PTPRC: variants seen among roughly 807,000 people sequenced by gnomAD.
PTPRC encodes receptor-type tyrosine-protein phosphatase C.
In PTPRC, 44 loss-of-function variants were observed where a neutral mutation model predicts 155.9. That is an observed-to-expected ratio of 0.28 (90% CI 0.22 to 0.36). PTPRC has a LOEUF of 0.36. PTPRC is among the 10% of genes least tolerant of loss of function. The pLI is 1.00. For missense variants in PTPRC, 1,401 were observed against 1,564.6 expected, an observed-to-expected ratio of 0.90 and a Z score of 1.76; for synonymous variants, 525 against 533.1, an observed-to-expected ratio of 0.98 and a Z score of 0.21.
At chr1:198,754,559 T>C (rs1655540373) in intron 32 of PTPRC, 155 bp downstream of exon 32, 1 of 915,940 alleles carries the variant, frequency 1.1e-6, no homozygotes, top group East Asian at 2.6e-5. Context: ...CTTTTAGCTT[T>C]TCTACTTTTA....
In PTPRC at chr1:198,754,326, G is replaced by T. The variant is rs527663021; in HGVS notation, c.3567G>T (p.Ala1189=). The T allele has an allele frequency of 6.2e-7, 1 of 1,612,440 alleles. No homozygotes were observed. The highest frequency in any genetic ancestry group is 1.1e-5 in the South Asian group (1 of 91,056). The change falls in exon 32 of 33, where the codon GCG becomes GCT. Residue 1189 remains alanine, a synonymous_variant. Coordinates refer to ENST00000442510, the MANE Select transcript of PTPRC (RefSeq NM_002838.5). ...CTTTGTTAAATCTCTTAGAAAGTGC[G>T]GAAACAGAAGAGGTAGTGGATATTT... is the stretch of plus-strand genomic sequence containing the variant. ...FCALLNLLES[A]ETEEVVDIFQ...
At chr1:198,739,374 G>T (rs2102506410) in intron 23 of PTPRC, among the ~76,000 whole-genome samples, 1 of 151,810 alleles carries the variant, frequency 6.6e-6, no homozygotes, top group Admixed American at 6.6e-5. Flanking sequence ...CTTAAAATAA[G>T]AGATGGAAAA....
rs574020110 is a variant in PTPRC at position 198,752,776 on chromosome 1, C to T, written c.3509+4C>T. 123 of 1,611,452 alleles carry T rather than the reference C, an allele frequency of 7.6e-5. No homozygotes were observed. The Admixed American group carries it at 8.0e-4, about 11-fold the overall frequency. ...CACCTCTACTCATTCACTGCAGGTGCGTGGGATTTGGTAGAATGTGCTCTC... is the reference window on the plus strand; with the variant it reads ...CACCTCTACTCATTCACTGCAGGTGTGTGGGATTTGGTAGAATGTGCTCTC... On this transcript the variant is annotated splice_donor_region_variant and intron_variant, in intron 31 of 32. Transcript: ENST00000442510.
chr1:198,704,549 A>G (rs760690846), intron 8 of PTPRC, 51 bp downstream of exon 8: 1 of 1,613,736 alleles, frequency 6.2e-7, no homozygotes, highest in South Asian at 1.1e-5. Context: ...ATAGCACTTT[A>G]ATTACATCTT....
At position 198,756,706 on chromosome 1, in the gene PTPRC, T is replaced by TTTAC. The variant is rs1452270540; in HGVS notation, c.*528_*531dup. The stretch of plus-strand genomic sequence containing the variant: ...ATATCTATCTTATATAGTTTACTAT[T>TTTAC]TTACTTCTAGAGATAGTACATAAAG... On this transcript the variant is annotated 3_prime_UTR_variant, in exon 33 of 33. Transcript: ENST00000442510. 1 of 153,328 alleles carries TTTAC rather than the reference T, an allele frequency of 6.5e-6. No homozygotes were observed. The highest frequency in any genetic ancestry group is 2.4e-5 in the African/African-American group (1 of 41,432). 9.5% of individuals were successfully genotyped at this position (153,328 alleles called of 1,614,324 possible). A position where few individuals can be genotyped will look rare whatever the true frequency, so the allele number is the denominator to read the frequency against.
chr1:198,750,789 A>G (rs1358869757), intron 29 of PTPRC, among the ~76,000 whole-genome samples, 163 bp downstream of exon 29: 5 of 151,910 alleles, frequency 3.3e-5, no homozygotes, highest in African/African-American at 1.2e-4. Flanking sequence ...GTTGGCCTCC[A>G]TCAGCTGTGT....
chr1:198,699,903 T>C (rs916665335), intron 5 of PTPRC, 199 bp downstream of exon 5: 3 of 692,130 alleles, frequency 4.3e-6, no homozygotes, highest in Non-Finnish European at 7.3e-6. Flanking sequence ...ATAGTGAGAA[T>C]TGTGAGACTA....
chr1:198,714,532 C>G (rs1653475423), intron 12 of PTPRC, among the ~76,000 whole-genome samples: 1 of 152,168 alleles, frequency 6.6e-6, no homozygotes, highest in African/African-American at 2.4e-5. Context: ...GGCTAGCTAT[C>G]AGGCTGTGTG....
chr1:198,672,420 CT>C (rs894389273), intron 2 of PTPRC, among the ~76,000 whole-genome samples: 2 of 151,870 alleles, frequency 1.3e-5, no homozygotes, highest in South Asian at 2.1e-4. Context: ...GTTCGAGTTC[CT>C]TTTTTTTCTG....
intron 2 of PTPRC, among the ~76,000 whole-genome samples, chr1:198,670,238 T>C (rs1384282795): frequency 6.6e-6 from 1 of 152,124 alleles, no homozygotes; most frequent in African/African-American, 2.4e-5. Context: ...TTCCTTAGCA[T>C]TTTTAAAGAA....
At chr1:198,680,335 C>T (rs1045505054) in intron 2 of PTPRC, among the ~76,000 whole-genome samples, 1 of 152,022 alleles carries the variant, frequency 6.6e-6, no homozygotes, top group African/African-American at 2.4e-5. Context: ...TGTTTGTAAT[C>T]CCATATACTC....
At chr1:198,679,935 C>T in intron 2 of PTPRC, 1 of 614,286 alleles carries the variant, frequency 1.6e-6, no homozygotes, top group South Asian at 1.9e-5. Context: ...CTTTGCCCAG[C>T]TCGTCCACCG....
rs558743402 is a variant in PTPRC, at chr1:198,691,151, C to T, written c.74-1196C>T. Among the ~76,000 whole-genome samples, 21 of 152,172 alleles carry T rather than the reference C, an allele frequency of 1.4e-4. No homozygotes were observed. The South Asian group carries it at 3.7e-3, about 27-fold the overall frequency. ...CTGGACACTTCTCTTTTATGTAGTT[C>T]GGTGATCTCCTTCACCTCTGTAGCT... On this transcript the variant is annotated intron_variant, in intron 2 of 32. Transcript: ENST00000442510.
intron 2 of PTPRC, among the ~76,000 whole-genome samples, chr1:198,689,108 C>T (rs1290258233): frequency 6.6e-6 from 1 of 152,158 alleles, no homozygotes; most frequent in Non-Finnish European, 1.5e-5. Context: ...TAGAAACAGT[C>T]TTCTCCGTTT....
intron 2 of PTPRC, among the ~76,000 whole-genome samples, chr1:198,687,308 T>C (rs903569111): frequency 2.0e-5 from 3 of 152,166 alleles, no homozygotes; most frequent in Non-Finnish European, 2.9e-5. Context: ...ATCAGGTCTT[T>C]TTTTTCTATC....
intron 2 of PTPRC, among the ~76,000 whole-genome samples, chr1:198,689,230 C>T (rs1665796471): frequency 6.6e-6 from 1 of 152,096 alleles, no homozygotes; most frequent in Admixed American, 6.6e-5. Context: ...TTATTAATCT[C>T]TCTGAGACAT....
At chr1:198,671,060 A>C (rs1664611237) in intron 2 of PTPRC, among the ~76,000 whole-genome samples, 1 of 152,150 alleles carries the variant, frequency 6.6e-6, no homozygotes, top group Non-Finnish European at 1.5e-5. Context: ...GTCACATTGT[A>C]CCTTATAAAT....
At chr1:198,640,642 T>C (rs1662525206) in intron 2 of PTPRC, among the ~76,000 whole-genome samples, 1 of 151,986 alleles carries the variant, frequency 6.6e-6, no homozygotes, top group Non-Finnish European at 1.5e-5. Context: ...AATAATAATC[T>C]CAATGAAGTG....
chr1:198,665,977 C>G (rs939330195), intron 2 of PTPRC, among the ~76,000 whole-genome samples: 1 of 152,004 alleles, frequency 6.6e-6, no homozygotes, highest in Non-Finnish European at 1.5e-5. Context: ...CAAATACTCA[C>G]ATTTAAAGAC....
Sources: allele counts gnomAD v4.1 joint callset (sites outside exome capture counted in the v4.1 genomes callset), GRCh38; gene constraint gnomAD v4.1.1; transcripts MANE v1.5; gene names NCBI Gene and HGNC (gene_info 2026-07-23, HGNC 2026-07-21).